The following NR4A1 variants were observed in gnomAD, a reference collection of about 807,000 sequenced individuals.
NR4A1 encodes nuclear receptor subfamily 4 group A member 1, also known as nuclear receptor subfamily 4immunitygroup A member 1.
NR4A1 carries 24 observed loss-of-function variants against 47.5 expected under a neutral mutation model. That is an observed-to-expected ratio of 0.50 (90% CI 0.37 to 0.71). The LOEUF (loss-of-function observed/expected upper bound fraction) is 0.71, where lower values mean the gene tolerates loss of function less well. NR4A1 is among the 30% of genes least tolerant of loss of function. NR4A1 has a pLI of 0.00. For synonymous variants in NR4A1, 353 were observed against 345.7 expected (o/e 1.02, Z -0.24); for missense variants, 669 against 788.6 (o/e 0.85, Z 1.82).
At chr12:52,042,439 A>G (rs1437131977) in intron 2 of NR4A1, among the ~76,000 whole-genome samples, 2 of 151,844 alleles carry the variant, frequency 1.3e-5, no homozygotes, top group South Asian at 4.2e-4. Flanking sequence ...CAGAGGGCCT[A>G]TGGAGTCTGT....
chr12:52,044,824 G>C (rs1218286065), intron 2 of NR4A1, among the ~76,000 whole-genome samples: 1 of 152,186 alleles, frequency 6.6e-6, no homozygotes, highest in Non-Finnish European at 1.5e-5. Flanking sequence ...TGAAGAGACT[G>C]AGAGGGAAAC....
intron 1 of NR4A1, chr12:52,037,459 G>A: frequency 1.0e-6 from 1 of 985,448 alleles, no homozygotes; most frequent in Non-Finnish European, 1.2e-6. Flanking sequence ...GGGCTGCCGG[G>A]GTGGCGGGAG....
chr12:52,030,826 C>T (rs535998060), intron 1 of NR4A1, among the ~76,000 whole-genome samples: 1 of 152,304 alleles, frequency 6.6e-6, no homozygotes, highest in East Asian at 1.9e-4. Context: ...GTCATCGGCA[C>T]AGAGTCTGGC....
chr12:52,031,987 G>C (rs1484376356), intron 1 of NR4A1, among the ~76,000 whole-genome samples: 1 of 151,908 alleles, frequency 6.6e-6, no homozygotes, highest in Non-Finnish European at 1.5e-5. Flanking sequence ...GTAGAGACGG[G>C]GTTTCACCAT....
At chr12:52,055,362 C>T (rs963400833) in intron 2 of NR4A1, 158 bp downstream of exon 2, 5 of 860,360 alleles carry the variant, frequency 5.8e-6, no homozygotes, top group Non-Finnish European at 8.9e-6. Context: ...TCCTGGAGAC[C>T]CGTAGATGCC....
chr12:52,023,511 T>C (rs1213684091), intron 1 of NR4A1, among the ~76,000 whole-genome samples: 1 of 152,020 alleles, frequency 6.6e-6, no homozygotes, highest in Non-Finnish European at 1.5e-5. Context: ...CCTGGCGCCG[T>C]AGCGCACCGC....
rs762631744 is a variant in NR4A1, at chr12:52,056,595, C to A, written c.1108C>A (p.Arg370Ser). Residue 370 changes from arginine (R) to serine (S), a missense_variant, in exon 4 of 7, where the codon CGT becomes AGT. Arg to Ser is a moderately radical substitution (Grantham distance 110). Transcript: ENST00000394825. ...SPANLLTSLV[R>S]AHLDSGPSTA... ...TGCCAATCTCCTCACTTCCCTGGTC[C>A]GTGCACACCTGGACTCAGGGCCCAG... 4 of 1,613,216 alleles carry A rather than the reference C, an allele frequency of 2.5e-6. No homozygotes were observed. Among genetic ancestry groups the A allele is most frequent in the East Asian group, 2.2e-5 (1 of 44,776 alleles).
upstream of NR4A1, among the ~76,000 whole-genome samples, chr12:52,050,120 C>T (rs1938849288): frequency 6.6e-6 from 1 of 152,142 alleles, no homozygotes; most frequent in Non-Finnish European, 1.5e-5. Flanking sequence ...TCCCTCTTCT[C>T]TTACTTTTCC....
chr12:52,055,681 A>AC (rs1177762377), intron 2 of NR4A1: 5 of 167,902 alleles, frequency 3.0e-5, no homozygotes, highest in Non-Finnish European at 1.1e-5. Flanking sequence ...TCCCGTCCCC[A>AC]CCCCCCAGCC....
rs1020222234 is a variant in NR4A1, at chr12:52,038,822, C to G, written c.-83-2988C>G. 4.1e-6 allele frequency: 3 copies of G among 738,252 alleles called. No individual in the cohort carries two copies. In the Admixed American group the frequency reaches 5.5e-5, roughly 13 times the overall value. The allele number at this position is 738,252 out of a possible 1,614,324, so 45.7% of individuals were successfully genotyped here. A position where few individuals can be genotyped will look rare whatever the true frequency, so the allele number is the denominator to read the frequency against. On this transcript the variant is annotated intron_variant, in intron 1 of 7. Transcript: ENST00000360284. ...GACGATTCCTGTGCTGAGGCCTCTGCTGGACTTAAGAAAGTCAGCTGAGGA... is the reference window on the plus strand; with the variant it reads ...GACGATTCCTGTGCTGAGGCCTCTGGTGGACTTAAGAAAGTCAGCTGAGGA...
rs113593657 is a variant in NR4A1 at position 52,045,452 on chromosome 12, C to T, written c.37+3523C>T. ...TGCCCTGGAGGTACTGCCTGCCTCC[C>T]GACTTCCACCCTCACTTGCCATTAC... On this transcript the variant is annotated intron_variant, in intron 2 of 7. Coordinates refer to the NR4A1 transcript ENST00000360284. 3.4e-4 allele frequency: 150 copies of T among 440,740 alleles called. No homozygotes were observed. In the Middle Eastern group the frequency reaches 3.6e-3, roughly 11 times the overall value. 27.3% of individuals were successfully genotyped at this position (440,740 alleles called of 1,614,324 possible).
intron 1 of NR4A1, among the ~76,000 whole-genome samples, chr12:52,027,017 G>A (rs1023851029): frequency 3.3e-5 from 5 of 152,354 alleles, no homozygotes; most frequent in African/African-American, 1.2e-4. Flanking sequence ...GGAAGTGAGA[G>A]GTGTGTTGAT....
intron 6 of NR4A1, among the ~76,000 whole-genome samples, 153 bp downstream of exon 6, chr12:52,057,683 G>C (rs1939348718): frequency 1.3e-5 from 2 of 152,176 alleles, no homozygotes; most frequent in Admixed American, 1.3e-4. Flanking sequence ...CAGTAAAGTA[G>C]GGACCATAGG....
intron 1 of NR4A1, among the ~76,000 whole-genome samples, chr12:52,052,304 TGAGAGAGA>T (rs1555168682): frequency 1.1e-3 from 79 of 70,658 alleles, no homozygotes; most frequent in African/African-American, 3.6e-3. Context: ...TGTGTGTGTG[TGAGAGAGA>T]GAGAGAGAGA....
upstream of NR4A1, among the ~76,000 whole-genome samples, chr12:52,048,926 C>T (rs986813183): frequency 2.6e-5 from 4 of 152,022 alleles, no homozygotes; most frequent in African/African-American, 9.7e-5. Flanking sequence ...AAAACTTTGC[C>T]TGAAATGAGG....
At chr12:52,047,020 C>T (rs1355050060), upstream of NR4A1, among the ~76,000 whole-genome samples, 2 of 151,650 alleles carry the variant, frequency 1.3e-5, no homozygotes, top group Admixed American at 6.6e-5. Flanking sequence ...TAGGCTGGGC[C>T]GTGGTGTGGG....
At chr12:52,024,435 G>A (rs1179698017) in intron 1 of NR4A1, among the ~76,000 whole-genome samples, 1 of 152,122 alleles carries the variant, frequency 6.6e-6, no homozygotes, top group Non-Finnish European at 1.5e-5. Flanking sequence ...TCGGCCAGAG[G>A]GGTGGCTCAC....
rs1363050580 is a variant in NR4A1, at chr12:52,039,103, C to T, written c.-83-2707C>T. On this transcript the variant is annotated intron_variant, in intron 1 of 7. Coordinates refer to the NR4A1 transcript ENST00000360284. ...AGTTGCTTAACATTTCTTTCTGGGC[C>T]TTAGTTTCCTCATTGGTAAAATGTG... 5.9e-5 allele frequency among the ~76,000 whole-genome samples: 9 copies of T among 152,212 alleles called. No homozygotes were observed. The East Asian group carries it at 1.5e-3, about 26-fold the overall frequency.
At chr12:52,055,274 T>C (rs754126868) in intron 2 of NR4A1, 70 bp downstream of exon 2, 11 of 1,578,762 alleles carry the variant, frequency 7.0e-6, no homozygotes, top group Non-Finnish European at 6.9e-6. Flanking sequence ...CATTGGGACC[T>C]GTGGTCTCCC....
Sources: gnomAD v4.1 joint callset for allele counts (sites outside exome capture counted in the v4.1 genomes callset) on GRCh38, gnomAD v4.1.1 for gene constraint, MANE v1.5 for transcripts, NCBI Gene and HGNC (gene_info 2026-07-23, HGNC 2026-07-21) for gene names.